ZMYND8: variants seen among roughly 807,000 people sequenced by gnomAD.
The protein encoded by ZMYND8 is MYND-type zinc finger-containing chromatin reader ZMYND8.
Under a neutral mutation model 140.8 loss-of-function variants are expected in ZMYND8, and 37 were observed. The ratio of observed to expected loss-of-function variants is 0.26; its 90% CI spans 0.20 to 0.35. The LOEUF (loss-of-function observed/expected upper bound fraction) is 0.35. Among genes scored for constraint, ZMYND8 ranks in the 10% least tolerant of loss-of-function variants. The pLI is 1.00. For synonymous variants in ZMYND8, 592 were observed against 597.1 expected (o/e 0.99, Z 0.12); for missense variants, 1,068 against 1,570.0 (o/e 0.68, Z 5.40).
At chr20:47,255,722 GTATATATATATATATATATA>G (rs369654557) in intron 12 of ZMYND8, among the ~76,000 whole-genome samples, 2,118 of 77,762 alleles carry the variant, frequency 0.027, 82 homozygotes, top group Non-Finnish European at 0.034. Context: ...GTGTATGTGT[GTATATATATATATATATATA>G]TATATATATA....
At chr20:47,227,814 C>T (rs1023019228) in intron 17 of ZMYND8, among the ~76,000 whole-genome samples, 1 of 152,130 alleles carries the variant, frequency 6.6e-6, no homozygotes, top group Admixed American at 6.5e-5. Context: ...GTGTTTTGGC[C>T]AGGTGCGGTG....
At chr20:47,286,907 G>A (rs1035816079) in intron 8 of ZMYND8, among the ~76,000 whole-genome samples, 1 of 152,190 alleles carries the variant, frequency 6.6e-6, no homozygotes, top group Non-Finnish European at 1.5e-5. Context: ...ACAATACCAG[G>A]CTGTGGGGCC....
chr20:47,210,566 G>C lies in ZMYND8; in HGVS notation c.*195C>G. ...CCAAAAGCACAGGGCTCGTGTGGGT[G>C]AACAGTCTGCAGTCAAAGCCGATGC... On this transcript the variant is annotated 3_prime_UTR_variant, in exon 23 of 23. Coordinates refer to ENST00000471951, the MANE Select transcript of ZMYND8 (RefSeq NM_001281775.3). The C allele has an allele frequency of 1.4e-6, 1 of 717,042 alleles. No homozygotes were observed. The highest frequency in any genetic ancestry group is 2.4e-6 in the Non-Finnish European group (1 of 424,472). The allele number at this position is 717,042 out of a possible 1,614,324, so 44.4% of individuals were successfully genotyped here. A position where few individuals can be genotyped will look rare whatever the true frequency, so the allele number is the denominator to read the frequency against.
Position 47,262,399 on chromosome 20 carries a change from C to T in ZMYND8, c.1510G>A (p.Ala504Thr), listed in dbSNP as rs2075221193. 1.2e-6 allele frequency: 2 copies of T among 1,613,792 alleles called. No individual in the cohort carries two copies. The highest frequency in any genetic ancestry group is 1.7e-5 in the Admixed American group (1 of 59,970). ...TTTGGGCTGCCGGATAAACTCCCTG[C>T]TTGTCCCGTCTTGGTGGAGGCTGGT... ...ASPASTKTGQ[A>T]GSLSGSPKPF... The change falls in exon 12 of 23, where the codon GCA becomes ACA. Residue 504 changes from alanine (A) to threonine (T), a missense_variant. This residue lies in a region of ZMYND8 where 173 missense variants were observed against 223.3 expected (regional missense o/e 0.77). Transcript: ENST00000471951.
At chr20:47,228,983 T>C (rs1355884283) in intron 17 of ZMYND8, among the ~76,000 whole-genome samples, 2 of 150,934 alleles carry the variant, frequency 1.3e-5, no homozygotes, top group Non-Finnish European at 1.5e-5. Context: ...GCTTTATAAG[T>C]AGATAGCTTA....
rs2034976091 is a variant in ZMYND8 at position 47,209,447 on chromosome 20, G to A, written c.*1314C>T. 9.8e-6 allele frequency: 1 copy of A among 102,328 alleles called. No homozygotes were observed. Among genetic ancestry groups the A allele is most frequent in the African/African-American group, 5.9e-5 (1 of 17,084 alleles). 6.3% of individuals were successfully genotyped at this position (102,328 alleles called of 1,614,324 possible). A position where few individuals can be genotyped will look rare whatever the true frequency, so the allele number is the denominator to read the frequency against. On this transcript the variant is annotated 3_prime_UTR_variant, in exon 23 of 23. Transcript: ENST00000471951. ...CAATTATGCTTCACAAATAAGGCCA[G>A]CTAGGCTATTTTTTTTTTTTGACAA...
At chr20:47,262,235 G>A in intron 12 of ZMYND8, 53 bp downstream of exon 12, 2 of 1,612,354 alleles carry the variant, frequency 1.2e-6, no homozygotes, top group South Asian at 2.2e-5. Context: ...TACGTCATTT[G>A]CAAAAATATC....
At chr20:47,352,184 C>A (rs763873850) in intron 1 of ZMYND8, among the ~76,000 whole-genome samples, 1 of 152,246 alleles carries the variant, frequency 6.6e-6, no homozygotes, top group Non-Finnish European at 1.5e-5. Flanking sequence ...AAGCCCGGTC[C>A]CCCTTCTCTT....
chr20:47,220,141 T>A, intron 21 of ZMYND8, 117 bp downstream of exon 21: 6 of 849,394 alleles, frequency 7.1e-6, no homozygotes, highest in Non-Finnish European at 1.1e-5. Flanking sequence ...CCCCTAAGGA[T>A]CCATAATCGT....
intron 21 of ZMYND8, among the ~76,000 whole-genome samples, chr20:47,215,959 G>C (rs986815206): frequency 4.6e-5 from 7 of 152,108 alleles, no homozygotes; most frequent in Non-Finnish European, 1.0e-4. Context: ...TAAGTGCCTA[G>C]GAAGAAAAGC....
At chr20:47,266,479 A>G (rs1261768947) in intron 11 of ZMYND8, among the ~76,000 whole-genome samples, 1 of 151,936 alleles carries the variant, frequency 6.6e-6, no homozygotes, top group Non-Finnish European at 1.5e-5. Flanking sequence ...TGGGGGTTTC[A>G]CCATGTTGGC....
At chr20:47,212,362 A>G (rs1186887979) in intron 22 of ZMYND8, among the ~76,000 whole-genome samples, 2 of 152,210 alleles carry the variant, frequency 1.3e-5, no homozygotes, top group African/African-American at 2.4e-5. Context: ...GCCAATCACC[A>G]CAGGAGGGAA....
chr20:47,228,859 A>G (rs2038080906), intron 17 of ZMYND8, among the ~76,000 whole-genome samples: 2 of 152,184 alleles, frequency 1.3e-5, no homozygotes, highest in African/African-American at 4.8e-5. Context: ...ACCCGTTTGC[A>G]TCTGGCCTAC....
chr20:47,229,866 C>A (rs2038226923), intron 16 of ZMYND8, 60 bp from the exon 17 acceptor site: 3 of 1,449,120 alleles, frequency 2.1e-6, no homozygotes, highest in Non-Finnish European at 2.9e-6. Flanking sequence ...TTCCTGGTGA[C>A]AAATACTTAA....
chr20:47,232,595 G>C (rs1034205534), intron 16 of ZMYND8, among the ~76,000 whole-genome samples: 1 of 151,930 alleles, frequency 6.6e-6, no homozygotes, highest in South Asian at 2.1e-4. Context: ...AAATTAAAAT[G>C]GCTGCAGGAG....
At chr20:47,278,094 T>A (rs930960070) in intron 10 of ZMYND8, among the ~76,000 whole-genome samples, 2 of 152,116 alleles carry the variant, frequency 1.3e-5, no homozygotes, top group Non-Finnish European at 2.9e-5. Context: ...CAGATCAGCC[T>A]CCCAAGTAGT....
intron 11 of ZMYND8, among the ~76,000 whole-genome samples, chr20:47,270,281 G>A (rs2075829279): frequency 1.3e-5 from 2 of 148,772 alleles, no homozygotes; most frequent in South Asian, 4.3e-4. Context: ...GCTGAGGCAG[G>A]AGAATCGCTT....
intron 8 of ZMYND8, among the ~76,000 whole-genome samples, chr20:47,286,878 G>C (rs2076957332): frequency 1.3e-5 from 2 of 152,156 alleles, no homozygotes; most frequent in Non-Finnish European, 2.9e-5. Flanking sequence ...TTCTGCAAGA[G>C]GACCAAAAGG....
At chr20:47,252,657 C>A (rs796703510) in intron 12 of ZMYND8, among the ~76,000 whole-genome samples, 18 of 152,304 alleles carry the variant, frequency 1.2e-4, no homozygotes, top group African/African-American at 4.1e-4. Flanking sequence ...AACAGTGGCT[C>A]ACACTTGTAA....
Sources: allele counts gnomAD v4.1 joint callset (sites outside exome capture counted in the v4.1 genomes callset), GRCh38; gene constraint gnomAD v4.1.1; regional missense constraint gnomAD v4.1.1; transcripts MANE v1.5; gene names NCBI Gene and HGNC (gene_info 2026-07-23, HGNC 2026-07-21).